BACH2: variants seen among roughly 807,000 people sequenced by gnomAD.
BACH2 encodes the protein transcription regulator protein BACH2.
A neutral mutation model predicts 61.8 loss-of-function variants in BACH2; 5 were observed. The ratio of observed to expected loss-of-function variants is 0.08; its 90% confidence interval spans 0.04 to 0.17. The LOEUF is 0.17. BACH2 is among the 10% of genes least tolerant of loss of function. The probability of loss-of-function intolerance (pLI) is 1.00; values close to 1 mark genes in which losing one functional copy is unlikely to be tolerated. For synonymous variants in BACH2, 446 were observed against 440.1 expected (o/e 1.01, Z -0.17); for missense variants, 824 against 1,091.1 (o/e 0.76, Z 3.45).
intron 3 of BACH2, among the ~76,000 whole-genome samples, chr6:90,241,173 T>C (rs1326267865): frequency 1.3e-5 from 2 of 150,488 alleles, no homozygotes; most frequent in Non-Finnish European, 3.0e-5. Flanking sequence ...ATTATAGTTA[T>C]ATGGTTTCCA....
chr6:90,025,998 A>G (rs1315895580), intron 5 of BACH2, among the ~76,000 whole-genome samples: 1 of 152,016 alleles, frequency 6.6e-6, no homozygotes, highest in African/African-American at 2.4e-5. Flanking sequence ...AGGGCTCATA[A>G]CTCCTCCCCA....
intron 3 of BACH2, among the ~76,000 whole-genome samples, chr6:90,216,638 T>G (rs991804715): frequency 2.6e-5 from 4 of 152,226 alleles, no homozygotes; most frequent in African/African-American, 9.6e-5. Context: ...AATTCCAACT[T>G]AAAACATTAT....
chr6:90,092,328 A>G (rs1267786933), intron 4 of BACH2, among the ~76,000 whole-genome samples: 1 of 145,262 alleles, frequency 6.9e-6, no homozygotes, highest in Non-Finnish European at 1.5e-5. Context: ...ACACACACAC[A>G]TTGCATCACT....
chr6:90,038,410 A>AT (rs756797488), intron 5 of BACH2, among the ~76,000 whole-genome samples: 107 of 152,104 alleles, frequency 7.0e-4, no homozygotes, highest in Non-Finnish European at 1.2e-3. Flanking sequence ...ATAATATATA[A>AT]TTTTTTGTGT....
At chr6:90,015,003 A>G (rs1777982280) in intron 5 of BACH2, among the ~76,000 whole-genome samples, 1 of 147,698 alleles carries the variant, frequency 6.8e-6, no homozygotes, top group African/African-American at 2.5e-5. Flanking sequence ...CTGGTCTTCA[A>G]CTCTTGGTGT....
chr6:90,029,190 T>C (rs9451318), intron 5 of BACH2, among the ~76,000 whole-genome samples: 6,303 of 152,232 alleles, frequency 0.041, 441 homozygotes, highest in African/African-American at 0.14. Context: ...CCACAGCAGG[T>C]TCAGCGATCT....
At chr6:90,238,500 TACAAAGAAA>T (rs940536159) in intron 3 of BACH2, among the ~76,000 whole-genome samples, 3 of 152,208 alleles carry the variant, frequency 2.0e-5, no homozygotes, top group Non-Finnish European at 4.4e-5. Context: ...TACTAATATC[TACAAAGAAA>T]AAAACTCACT....
chr6:89,971,385 T>C (rs371744855), intron 6 of BACH2, among the ~76,000 whole-genome samples: 2 of 152,178 alleles, frequency 1.3e-5, no homozygotes, highest in Non-Finnish European at 2.9e-5. Flanking sequence ...CTTTAACGAA[T>C]GCATACTGAC....
At chr6:90,048,368 A>G (rs1779885550) in intron 5 of BACH2, among the ~76,000 whole-genome samples, 2 of 152,228 alleles carry the variant, frequency 1.3e-5, no homozygotes, top group African/African-American at 2.4e-5. Context: ...GCCTCAAGCA[A>G]TCCTCCTGCC....
chr6:89,932,479 T>A lies in BACH2; in HGVS notation c.2455A>T (p.Thr819Ser). The A allele has an allele frequency of 6.2e-7, 1 of 1,614,086 alleles. No homozygotes were observed. The highest frequency in any genetic ancestry group is 8.5e-7 in the Non-Finnish European group (1 of 1,180,008). Residue 819 changes from threonine (T) to serine (S), a missense_variant, in exon 9 of 9, where the codon ACC becomes TCC. By Grantham distance (58) the Thr-to-Ser change is moderately conservative. Around this residue, in one of 8 missense-constraint regions of BACH2, gnomAD observed 135 missense variants for 142.7 expected, o/e 0.95. Transcript: ENST00000257749. ...PPLEPRSQTV[T>S]VDFCQEMTDK... Reference sequence around the variant, plus strand: ...GTCATTTCCTGGCAGAAGTCCACGGTCACTGTTTGGCTCCTGGGTTCAAGA... The same window carrying A: ...GTCATTTCCTGGCAGAAGTCCACGGACACTGTTTGGCTCCTGGGTTCAAGA...
chr6:90,098,987 G>T (rs1782500064), intron 4 of BACH2, among the ~76,000 whole-genome samples: 1 of 152,086 alleles, frequency 6.6e-6, no homozygotes, highest in African/African-American at 2.4e-5. Context: ...GGATCCTGTG[G>T]TCCCTTCTGT....
chr6:90,071,809 T>C (rs9351234), intron 5 of BACH2, among the ~76,000 whole-genome samples: 41,818 of 152,206 alleles, frequency 0.27, 6,534 homozygotes, highest in East Asian at 0.67. Context: ...TTGTATGTTA[T>C]ATGTATTATA....
intron 2 of BACH2, among the ~76,000 whole-genome samples, chr6:90,260,421 T>C (rs985581403): frequency 8.5e-5 from 13 of 152,228 alleles, no homozygotes; most frequent in Admixed American, 7.9e-4. Context: ...ATATCTGAAA[T>C]GATACTAGAC....
At chr6:90,104,002 G>A (rs762907155) in intron 4 of BACH2, among the ~76,000 whole-genome samples, 13 of 152,164 alleles carry the variant, frequency 8.5e-5, no homozygotes, top group African/African-American at 2.2e-4. Flanking sequence ...GTCAGTGACC[G>A]ACAAAGTGGC....
chr6:90,214,471 G>A (rs529146605), intron 3 of BACH2, among the ~76,000 whole-genome samples: 3 of 152,260 alleles, frequency 2.0e-5, no homozygotes, highest in Admixed American at 1.3e-4. Context: ...TGCAATGGGA[G>A]CACTGTTAAA....
intron 4 of BACH2, among the ~76,000 whole-genome samples, chr6:90,205,372 T>C (rs1211654421): frequency 6.6e-5 from 10 of 152,180 alleles, no homozygotes; most frequent in Non-Finnish European, 2.9e-5. Context: ...GGCCCTTGCC[T>C]CCTTCTCTGG....
chr6:89,936,652 G>A (rs542885164), intron 8 of BACH2, among the ~76,000 whole-genome samples: 1 of 152,290 alleles, frequency 6.6e-6, no homozygotes, highest in African/African-American at 2.4e-5. Flanking sequence ...TTCTTTGTTG[G>A]TGATGGGAGC....
chr6:90,182,081 G>A (rs1415179036), intron 4 of BACH2, among the ~76,000 whole-genome samples: 1 of 152,142 alleles, frequency 6.6e-6, no homozygotes, highest in African/African-American at 2.4e-5. Context: ...CTTCTGGGGT[G>A]GAGCATGATA....
chr6:90,257,213 G>A (rs758222014), intron 2 of BACH2, among the ~76,000 whole-genome samples: 3 of 152,152 alleles, frequency 2.0e-5, no homozygotes, highest in Non-Finnish European at 4.4e-5. Context: ...TTATGAGGTG[G>A]TGATTTCATT....
Sources: allele counts gnomAD v4.1 joint callset (sites outside exome capture counted in the v4.1 genomes callset), GRCh38; gene constraint gnomAD v4.1.1; regional missense constraint gnomAD v4.1.1; transcripts MANE v1.5; gene names NCBI Gene and HGNC (gene_info 2026-07-23, HGNC 2026-07-21).